Variants in CHCHD6 observed in about 807,000 individuals in gnomAD.
The protein encoded by CHCHD6 is MICOS complex subunit MIC25.
CHCHD6 carries 28 observed loss-of-function variants against 32.3 expected under a neutral mutation model. The observed-to-expected ratio is 0.87, with a 90% CI of 0.64 to 1.19. CHCHD6 has a LOEUF of 1.19. CHCHD6 is among the 50% of genes most tolerant of loss of function. The pLI is 0.00. For synonymous variants in CHCHD6, 122 were observed against 117.5 expected (o/e 1.04, Z -0.25); for missense variants, 333 against 307.0 (o/e 1.08, Z -0.63).
intron 5 of CHCHD6, among the ~76,000 whole-genome samples, chr3:126,889,075 C>T (rs2077717921): frequency 6.6e-6 from 1 of 152,192 alleles, no homozygotes; most frequent in Admixed American, 6.5e-5. Context: ...GTGTGGGGAA[C>T]TGCAGAAAGC....
chr3:126,728,711 TATA>T (rs1424931691), intron 2 of CHCHD6, among the ~76,000 whole-genome samples: 2 of 152,212 alleles, frequency 1.3e-5, no homozygotes, highest in African/African-American at 4.8e-5. Flanking sequence ...TGCCATAATA[TATA>T]ATACTACACA....
At chr3:126,951,156 G>A (rs972443205) in intron 6 of CHCHD6, among the ~76,000 whole-genome samples, 2 of 152,104 alleles carry the variant, frequency 1.3e-5, no homozygotes, top group Non-Finnish European at 2.9e-5. Context: ...ATTTTATAAG[G>A]GGCTCTTCCC....
chr3:126,718,756 G>A (rs1935140516), intron 1 of CHCHD6, among the ~76,000 whole-genome samples: 1 of 152,230 alleles, frequency 6.6e-6, no homozygotes, highest in South Asian at 2.1e-4. Context: ...TGACCAGCGG[G>A]CCGTGGCATC....
intron 4 of CHCHD6, among the ~76,000 whole-genome samples, chr3:126,788,208 G>C (rs1938326977): frequency 6.6e-6 from 1 of 152,142 alleles, no homozygotes; most frequent in Admixed American, 6.5e-5. Context: ...TTTTTGATGT[G>C]CTTCTGGATT....
chr3:126,731,168 C>A (rs569468722), intron 3 of CHCHD6, among the ~76,000 whole-genome samples: 102 of 148,162 alleles, frequency 6.9e-4, no homozygotes, highest in African/African-American at 2.4e-3. Flanking sequence ...GTGGCTGGAA[C>A]TTCTGCATGT....
At chr3:126,737,735 G>T (rs1936110509) in intron 4 of CHCHD6, among the ~76,000 whole-genome samples, 1 of 152,042 alleles carries the variant, frequency 6.6e-6, no homozygotes, top group Non-Finnish European at 1.5e-5. Flanking sequence ...AGGGAGGAAG[G>T]ATGCTGCAGA....
chr3:126,888,756 C>G (rs185309500), intron 5 of CHCHD6, among the ~76,000 whole-genome samples: 1 of 152,166 alleles, frequency 6.6e-6, no homozygotes, highest in Non-Finnish European at 1.5e-5. Context: ...CCTGCTCCCC[C>G]ACCATGGAGC....
At chr3:126,814,826 C>T (rs1331659608) in intron 4 of CHCHD6, among the ~76,000 whole-genome samples, 1 of 152,194 alleles carries the variant, frequency 6.6e-6, no homozygotes, top group Non-Finnish European at 1.5e-5. Context: ...GCCAGTCAGT[C>T]AGCGTTCTGG....
intron 5 of CHCHD6, among the ~76,000 whole-genome samples, chr3:126,898,285 C>T (rs2077870157): frequency 6.6e-6 from 1 of 152,186 alleles, no homozygotes; most frequent in Non-Finnish European, 1.5e-5. Context: ...TTTGCTTGCC[C>T]CTCTGGGCTT....
At chr3:126,861,650 C>G (rs983666924) in intron 5 of CHCHD6, among the ~76,000 whole-genome samples, 2 of 150,504 alleles carry the variant, frequency 1.3e-5, no homozygotes, top group African/African-American at 4.9e-5. Flanking sequence ...ACCATCACCA[C>G]CTCCCCCTCC....
chr3:126,906,490 C>T (rs1421549189), intron 5 of CHCHD6, among the ~76,000 whole-genome samples: 2 of 152,232 alleles, frequency 1.3e-5, no homozygotes, highest in Non-Finnish European at 2.9e-5. Context: ...CTCGTGCGGT[C>T]CAACACCTTC....
At chr3:126,705,835 T>C (rs1405822269) in intron 1 of CHCHD6, among the ~76,000 whole-genome samples, 1 of 151,686 alleles carries the variant, frequency 6.6e-6, no homozygotes, top group Non-Finnish European at 1.5e-5. Context: ...AAAAAAAAAA[T>C]TGGGTGTGTA....
intron 6 of CHCHD6, among the ~76,000 whole-genome samples, chr3:126,939,754 A>G (rs1162965762): frequency 2.6e-5 from 4 of 152,206 alleles, no homozygotes; most frequent in Non-Finnish European, 5.9e-5. Context: ...ATCTGAGCAA[A>G]TTGATTGGGA....
At chr3:126,925,898 C>A (rs745944206) in intron 6 of CHCHD6, among the ~76,000 whole-genome samples, 1 of 152,212 alleles carries the variant, frequency 6.6e-6, no homozygotes, top group African/African-American at 2.4e-5. Context: ...TGATCTAGAA[C>A]TTAACCTCTG....
intron 4 of CHCHD6, among the ~76,000 whole-genome samples, chr3:126,743,576 G>T (rs1936370438): frequency 6.6e-6 from 1 of 152,170 alleles, no homozygotes; most frequent in Admixed American, 6.5e-5. Context: ...GACAGCTGGG[G>T]CTGGGGGCTG....
intron 1 of CHCHD6, among the ~76,000 whole-genome samples, chr3:126,725,532 C>T (rs1158245077): frequency 1.3e-5 from 2 of 152,186 alleles, no homozygotes; most frequent in African/African-American, 2.4e-5. Context: ...ACATTGGCTT[C>T]CATTAAAAGT....
At chr3:126,800,827 A>AAGG (rs1939027968) in intron 4 of CHCHD6, among the ~76,000 whole-genome samples, 3 of 152,160 alleles carry the variant, frequency 2.0e-5, no homozygotes, top group Admixed American at 6.5e-5. Context: ...AGATTAAAAG[A>AAGG]TTGCTTCATG....
chr3:126,922,693 G>A (rs1305458687), intron 6 of CHCHD6, among the ~76,000 whole-genome samples: 2 of 151,164 alleles, frequency 1.3e-5, no homozygotes, highest in African/African-American at 4.9e-5. Flanking sequence ...TCTTATGCAG[G>A]CATTGACTCC....
At chr3:126,810,170 A>T (rs1939598190) in intron 4 of CHCHD6, among the ~76,000 whole-genome samples, 1 of 152,228 alleles carries the variant, frequency 6.6e-6, no homozygotes, top group Non-Finnish European at 1.5e-5. Context: ...ACAAAGTTAT[A>T]CTAGAAAGGA....
Sources: allele counts gnomAD v4.1 joint callset (sites outside exome capture counted in the v4.1 genomes callset), GRCh38; gene constraint gnomAD v4.1.1; transcripts MANE v1.5; gene names NCBI Gene and HGNC (gene_info 2026-07-23, HGNC 2026-07-21).